Variants in DNAJB11 observed in about 807,000 individuals in gnomAD.
DNAJB11 encodes the protein dnaJ homolog subfamily B member 11.
In DNAJB11, 30 loss-of-function variants were observed where a neutral mutation model predicts 47.2. That is an observed-to-expected ratio of 0.64 (90% CI 0.48 to 0.86). DNAJB11 has a LOEUF of 0.86. Ranked by LOEUF, DNAJB11 falls within the 40% of genes least tolerant of loss-of-function variation. The pLI is 0.00. For missense variants in DNAJB11, 357 were observed against 440.2 expected (o/e 0.81, Z 1.69); for synonymous variants, 151 against 159.9 (o/e 0.94, Z 0.42).
At chr3:186,582,911 C>T in intron 7 of DNAJB11, 138 bp downstream of exon 7, 1 of 672,632 alleles carries the variant, frequency 1.5e-6, no homozygotes, top group Non-Finnish European at 2.6e-6. Flanking sequence ...CTCTACAAGG[C>T]TGAAAACTTG....
chr3:186,583,968 G>A lies in DNAJB11; in HGVS notation c.844G>A (p.Gly282Ser). Reference sequence around the variant, plus strand: ...TGAGATGGATATTACTCACTTGGATGGTCACAAGGTAAACAAACCAATTTA... The same window carrying A: ...TGAGATGGATATTACTCACTTGGATAGTCACAAGGTAAACAAACCAATTTA... ...GFEMDITHLD[G>S]HKVHISRDKI... The change falls in exon 8 of 10, where the codon GGT (glycine) becomes AGT (serine). Residue 282 changes from glycine to serine, a missense_variant. Transcript: ENST00000265028. The A allele has an allele frequency of 3.7e-6, 6 of 1,610,646 alleles. No homozygotes were observed. Among genetic ancestry groups the A allele is most frequent in the Non-Finnish European group, 5.1e-6 (6 of 1,176,952 alleles).
chr3:186,572,866 T>C (rs1404382378), intron 2 of DNAJB11, among the ~76,000 whole-genome samples: 1 of 152,244 alleles, frequency 6.6e-6, no homozygotes, highest in Non-Finnish European at 1.5e-5. Context: ...GCAAACAGTA[T>C]GTTCCTGGAT....
At chr3:186,576,945 A>G (rs1053374894) in intron 3 of DNAJB11, among the ~76,000 whole-genome samples, 1 of 152,204 alleles carries the variant, frequency 6.6e-6, no homozygotes, top group Non-Finnish European at 1.5e-5. Context: ...CGCTATGCTA[A>G]TATACAAGGC....
At chr3:186,573,045 G>A (rs1186518508) in intron 2 of DNAJB11, among the ~76,000 whole-genome samples, 1 of 152,094 alleles carries the variant, frequency 6.6e-6, no homozygotes, top group Non-Finnish European at 1.5e-5. Flanking sequence ...ACTCTCATGT[G>A]TATCATCTCA....
chr3:186,584,645 GTGTGAGA>G, intron 9 of DNAJB11, 56 bp downstream of exon 9: 1 of 1,346,628 alleles, frequency 7.4e-7, no homozygotes, highest in Non-Finnish European at 9.7e-7. Context: ...ATGTGTGTGT[GTGTGAGA>G]TGAGAAAAGG....
intron 2 of DNAJB11, among the ~76,000 whole-genome samples, chr3:186,574,763 T>TTAAAA (rs1354359399): frequency 6.6e-6 from 1 of 152,230 alleles, no homozygotes; most frequent in Non-Finnish European, 1.5e-5. Flanking sequence ...GTGTCCTGTG[T>TTAAAA]GAATATGCCT....
chr3:186,575,718 G>A (rs1715268167), intron 2 of DNAJB11, 122 bp from the exon 3 acceptor site: 1 of 687,438 alleles, frequency 1.5e-6, no homozygotes, highest in Admixed American at 2.7e-5. Flanking sequence ...GTACATAATG[G>A]AAACTGCATT....
At chr3:186,575,462 G>A (rs1328232011) in intron 2 of DNAJB11, among the ~76,000 whole-genome samples, 1 of 152,036 alleles carries the variant, frequency 6.6e-6, no homozygotes, top group Non-Finnish European at 1.5e-5. Flanking sequence ...AGGCAGTATA[G>A]TGGTTAACAG....
chr3:186,585,340 T>C lies in DNAJB11; in HGVS notation c.1013-4T>C. On this transcript the variant is annotated splice_region_variant and splice_polypyrimidine_tract_variant and intron_variant, in intron 9 of 9. Transcript: ENST00000265028. ...ATGGAGTCATTTGTTCATTCTTTCTTCAGGTATCAAACAGCTACTGAAACA... is the reference window on the plus strand; with the variant it reads ...ATGGAGTCATTTGTTCATTCTTTCTCCAGGTATCAAACAGCTACTGAAACA... The C allele has an allele frequency of 3.7e-6, 6 of 1,610,366 alleles. No individual in the cohort carries two copies. The highest frequency in any genetic ancestry group is 5.1e-6 in the Non-Finnish European group (6 of 1,178,190).
rs113709977 is a variant in DNAJB11 at position 186,584,040 on chromosome 3, G to T, written c.852+64G>T. The T allele has an allele frequency of 3.2e-5, 38 of 1,170,308 alleles. No individual in the cohort carries two copies. The African/African-American group carries it at 5.2e-4, about 16-fold the overall frequency. The allele number at this position is 1,170,308 out of a possible 1,614,324, so 72.5% of individuals were successfully genotyped here. A position where few individuals can be genotyped will look rare whatever the true frequency, so the allele number is the denominator to read the frequency against. On this transcript the variant is annotated intron_variant, in intron 8 of 9. Transcript: ENST00000265028. The stretch of plus-strand genomic sequence containing the variant: ...GCCTTTATGTGGGTAGTTTTGAGAT[G>T]TATCAGCTGTTTCAGTCATTGAGAA...
chr3:186,572,149 T>TA lies in DNAJB11; in HGVS notation c.128dup (p.Ala44GlyfsTer3). ...CTCGAAGTGCCTCTATAAAGGATATTAAAAAGGCCTATAGGAAACTAGCCC... is the reference window on the plus strand; with the variant it reads ...CTCGAAGTGCCTCTATAAAGGATATTAAAAAAGGCCTATAGGAAACTAGCCC... On this transcript the variant is annotated frameshift_variant, in exon 2 of 10. Coordinates refer to ENST00000265028, the MANE Select transcript of DNAJB11 (RefSeq NM_016306.6). LOFTEE classifies it high-confidence loss of function. 1 of 1,612,874 alleles carries TA rather than the reference T, an allele frequency of 6.2e-7. No homozygotes were observed.
chr3:186,572,151 AAAAGGCCTATAGG>A lies in DNAJB11; in HGVS notation c.129_141del (p.Lys43AsnfsTer2). The A allele has an allele frequency of 6.2e-7, 1 of 1,613,000 alleles. No homozygotes were observed. Among genetic ancestry groups the A allele is most frequent in the Non-Finnish European group, 8.5e-7 (1 of 1,179,578 alleles). ...CGAAGTGCCTCTATAAAGGATATTAAAAAGGCCTATAGGAAACTAGCCCTGCAGCTTCATCCCG... is the reference window on the plus strand; with the variant it reads ...CGAAGTGCCTCTATAAAGGATATTAAAAACTAGCCCTGCAGCTTCATCCCG... On this transcript the variant is annotated frameshift_variant, in exon 2 of 10. Coordinates refer to ENST00000265028, the MANE Select transcript of DNAJB11 (RefSeq NM_016306.6). LOFTEE classifies it high-confidence loss of function.
chr3:186,577,042 T>C (rs960075037), intron 3 of DNAJB11, among the ~76,000 whole-genome samples: 2 of 152,236 alleles, frequency 1.3e-5, no homozygotes, highest in African/African-American at 4.8e-5. Flanking sequence ...GTTACTCTTG[T>C]TACTTACAAA....
chr3:186,585,258 T>G (rs1020520028), intron 9 of DNAJB11, 86 bp from the exon 10 acceptor site: 2 of 1,109,320 alleles, frequency 1.8e-6, no homozygotes, highest in Non-Finnish European at 1.3e-6. Flanking sequence ...AGGCCTTTTA[T>G]GAGCTTTTTC....
At chr3:186,581,704 C>G (rs563916844) in intron 5 of DNAJB11, among the ~76,000 whole-genome samples, 191 bp downstream of exon 5, 49 of 151,934 alleles carry the variant, frequency 3.2e-4, no homozygotes, top group African/African-American at 1.2e-3. Flanking sequence ...TGTTTCTGAA[C>G]TAACAAGCAG....
intron 2 of DNAJB11, among the ~76,000 whole-genome samples, chr3:186,574,470 A>G (rs761085122): frequency 2.0e-5 from 3 of 151,922 alleles, no homozygotes; most frequent in Non-Finnish European, 4.4e-5. Flanking sequence ...AGTTAATAAT[A>G]AGGGTTTTTT....
intron 4 of DNAJB11, chr3:186,580,666 A>T (rs1166200935): frequency 6.6e-6 from 1 of 152,226 alleles, no homozygotes; most frequent in African/African-American, 2.4e-5. Context: ...GGTAGGCTTT[A>T]AAGGATTTTT....
intron 6 of DNAJB11, 38 bp downstream of exon 6, chr3:186,582,115 T>C: frequency 6.6e-7 from 1 of 1,526,592 alleles, no homozygotes; most frequent in Non-Finnish European, 9.1e-7. Flanking sequence ...TTGTGATAAC[T>C]TTTTGCTCTC....
At chr3:186,582,672 T>TTA in intron 6 of DNAJB11, 44 bp from the exon 7 acceptor site, 1 of 1,498,392 alleles carries the variant, frequency 6.7e-7, no homozygotes. Context: ...TTTGTGGTAT[T>TTA]CAACTTGTAT....
Sources: allele counts gnomAD v4.1 joint callset (sites outside exome capture counted in the v4.1 genomes callset), GRCh38; gene constraint gnomAD v4.1.1; transcripts MANE v1.5; gene names NCBI Gene and HGNC (gene_info 2026-07-23, HGNC 2026-07-21).